The following TRIM49 variants were observed in gnomAD, a reference collection of about 807,000 sequenced individuals.
TRIM49 encodes the protein tripartite motif-containing protein 49.
A neutral mutation model predicts 27.4 loss-of-function variants in TRIM49; 5 were observed. That is an observed-to-expected ratio of 0.18 (90% CI 0.10 to 0.38). The LOEUF is 0.38. TRIM49 is among the 10% of genes least tolerant of loss of function. The pLI is 1.00. For missense variants in TRIM49, 188 were observed against 487.5 expected, an observed-to-expected ratio of 0.39 and a Z score of 5.79; for synonymous variants, 69 against 166.0, an observed-to-expected ratio of 0.42 and a Z score of 4.49.
chr11:89,800,280 C>T (rs1213336993), intron 6 of TRIM49, among the ~76,000 whole-genome samples: 1 of 151,526 alleles, frequency 6.6e-6, no homozygotes, highest in Non-Finnish European at 1.5e-5. Context: ...TTTTTTCAAT[C>T]TATTTTTCAG....
chr11:89,787,197 C>G, the TRIM49 span: 1 of 237,884 alleles, frequency 4.2e-6, no homozygotes, highest in South Asian at 5.2e-5. Flanking sequence ...GAGCTGTCCG[C>G]GCTGACGCCG....
At position 89,798,399 on chromosome 11, in the gene TRIM49, C is replaced by A. The variant is rs142893863; in HGVS notation, c.1090G>T (p.Glu364Ter). The A allele has an allele frequency of 6.2e-7, 1 of 1,603,522 alleles. No homozygotes were observed. The highest frequency in any genetic ancestry group is 1.4e-5 in the African/African-American group (1 of 70,036). ...AFGVCNMYRKEKNQNEKIDGK... is the reference protein window; with the variant it reads ...AFGVCNMYRK ...TCTATCTTCTCATTCTGATTCTTCT[C>A]TTTCCGATACATATTACAGACACCA... The change falls in exon 8 of 8, where the codon GAG (glutamate) becomes TAG (stop). Residue 364 changes from glutamate (E) to a stop codon, truncating the protein, a stop_gained. Transcript: ENST00000329758. LOFTEE classifies it low-confidence loss of function (END_TRUNC).
the TRIM49 span, among the ~76,000 whole-genome samples, chr11:89,790,384 T>C: frequency 1.3e-5 from 2 of 149,250 alleles, no homozygotes; most frequent in African/African-American, 2.5e-5. Context: ...TAAATGTCCC[T>C]GTCTGACAGC....
At chr11:89,787,842 A>C in the TRIM49 span, 1 of 454,590 alleles carries the variant, frequency 2.2e-6, no homozygotes, top group African/African-American at 2.4e-5. Context: ...AGGACGTGAG[A>C]GTCCGCGGGT....
chr11:89,776,922 G>A, the TRIM49 span: 599 of 1,514,262 alleles, frequency 4.0e-4, 3 homozygotes, highest in Non-Finnish European at 5.1e-4. Flanking sequence ...CCTTTTCATC[G>A]GGGCAAATAA....
chr11:89,798,718 A>G, intron 7 of TRIM49, 89 bp from the exon 8 acceptor site: 1 of 1,371,762 alleles, frequency 7.3e-7, no homozygotes. Flanking sequence ...TTTACCAGCA[A>G]ATGTAAAGTC....
chr11:89,802,580 CACATACATACAT>C (rs199832331), intron 4 of TRIM49, among the ~76,000 whole-genome samples: 5 of 147,156 alleles, frequency 3.4e-5, no homozygotes, highest in Admixed American at 6.6e-5. Context: ...CAAACACACA[CACATACATACAT>C]ACATACATAC....
chr11:89,789,891 G>T, the TRIM49 span, among the ~76,000 whole-genome samples: 6 of 151,606 alleles, frequency 4.0e-5, no homozygotes, highest in African/African-American at 1.5e-4. Flanking sequence ...TCTCACTGGG[G>T]CTTGTCAGAC....
chr11:89,774,582 T>C, the TRIM49 span, among the ~76,000 whole-genome samples: 2 of 141,264 alleles, frequency 1.4e-5, no homozygotes, highest in African/African-American at 5.7e-5. Context: ...GAGCCAGGAG[T>C]GACTTCTAAT....
At chr11:89,773,208 AATT>A in the TRIM49 span, among the ~76,000 whole-genome samples, 19 of 133,954 alleles carry the variant, frequency 1.4e-4, 2 homozygotes, top group Admixed American at 5.6e-4. Context: ...AAGTAATAAT[AATT>A]ATTATTATTG....
chr11:89,800,548 C>A (rs2134637486), intron 6 of TRIM49, among the ~76,000 whole-genome samples: 1 of 151,066 alleles, frequency 6.6e-6, no homozygotes, highest in Non-Finnish European at 1.5e-5. Context: ...TAGAGACCAT[C>A]CTGGCTAACA....
intron 4 of TRIM49, among the ~76,000 whole-genome samples, chr11:89,802,684 GT>G (rs1405757901): frequency 6.6e-6 from 1 of 150,928 alleles, no homozygotes; most frequent in Non-Finnish European, 1.5e-5. Context: ...ACACATTTGT[GT>G]TCCCCCTCCT....
At chr11:89,808,086 G>A (rs1297346327) in intron 1 of TRIM49, among the ~76,000 whole-genome samples, 4 of 133,644 alleles carry the variant, frequency 3.0e-5, no homozygotes, top group Non-Finnish European at 6.2e-5. Context: ...GTGCACCACG[G>A]GAATTATTTT....
chr11:89,784,693 G>A, the TRIM49 span, among the ~76,000 whole-genome samples: 3,691 of 142,906 alleles, frequency 0.026, 838 homozygotes, highest in African/African-American at 0.1. Context: ...AGCAGTCAAT[G>A]CCTCATAATG....
intron 2 of TRIM49, among the ~76,000 whole-genome samples, chr11:89,806,482 A>G (rs1263856403): frequency 2.0e-5 from 3 of 149,216 alleles, no homozygotes; most frequent in Non-Finnish European, 4.4e-5. Context: ...AATTGCAAAT[A>G]TTTTCCAGAA....
chr11:89,789,665 G>A, the TRIM49 span: 3 of 152,266 alleles, frequency 2.0e-5, no homozygotes, highest in South Asian at 6.2e-4. Flanking sequence ...GAATAGCCAG[G>A]GTTAGGCAGC....
At chr11:89,786,169 G>A in the TRIM49 span, 1 of 99,866 alleles carries the variant, frequency 1.0e-5, no homozygotes, top group Non-Finnish European at 2.0e-5. Context: ...CGTGGAGAGC[G>A]TACCGGAGGA....
the TRIM49 span, among the ~76,000 whole-genome samples, chr11:89,770,926 C>A: frequency 7.7e-6 from 1 of 130,696 alleles, no homozygotes; most frequent in Non-Finnish European, 1.6e-5. Context: ...ATTTTCCTTT[C>A]CTGCTGTATT....
At chr11:89,771,000 G>T in the TRIM49 span, among the ~76,000 whole-genome samples, 8 of 106,138 alleles carry the variant, frequency 7.5e-5, no homozygotes, top group Non-Finnish European at 1.3e-4. Context: ...TCGAAACAGG[G>T]TCTTGTTCTG....
Sources: gnomAD v4.1 joint callset for allele counts (sites outside exome capture counted in the v4.1 genomes callset) on GRCh38, gnomAD v4.1.1 for gene constraint, MANE v1.5 for transcripts, NCBI Gene and HGNC (gene_info 2026-07-23, HGNC 2026-07-21) for gene names.